Variants in CARF observed in about 807,000 individuals in gnomAD.
CARF encodes calcium responsive transcription factor, also known as calcium-responsive transcription factor.
In CARF, 57 loss-of-function variants were observed where a neutral mutation model predicts 82.0. The observed-to-expected ratio is 0.70, with a 90% CI of 0.56 to 0.87. CARF has a LOEUF of 0.87. CARF is among the 40% of genes least tolerant of loss of function. The pLI is 0.00. For synonymous variants in CARF, 268 were observed against 290.1 expected (o/e 0.92, Z 0.77); for missense variants, 771 against 855.8 (o/e 0.90, Z 1.24).
chr2:202,925,343 A>C (rs1312888753), intron 3 of CARF: 1 of 317,458 alleles, frequency 3.2e-6, no homozygotes, highest in East Asian at 8.2e-5. Context: ...TGTGAGCTGT[A>C]GTCCCAGTTC....
intron 14 of CARF, 94 bp downstream of exon 14, chr2:202,977,426 A>G (rs1285667780): frequency 2.1e-6 from 2 of 931,140 alleles, no homozygotes; most frequent in South Asian, 1.5e-5. Flanking sequence ...AATTTTATAG[A>G]TAAGGAAACC....
chr2:202,945,388 A>G (rs551595096), intron 5 of CARF, among the ~76,000 whole-genome samples: 1 of 152,198 alleles, frequency 6.6e-6, no homozygotes, highest in Non-Finnish European at 1.5e-5. Context: ...GTACACTCAG[A>G]TTGTACAAGT....
chr2:202,952,719 A>T, intron 6 of CARF, 40 bp downstream of exon 6: 1 of 1,568,838 alleles, frequency 6.4e-7, no homozygotes, highest in Non-Finnish European at 8.7e-7. Flanking sequence ...AGAGTGTTTT[A>T]AAAACATAAA....
intron 12 of CARF, among the ~76,000 whole-genome samples, chr2:202,972,320 T>C (rs2059821090): frequency 6.6e-6 from 1 of 152,006 alleles, no homozygotes; most frequent in African/African-American, 2.4e-5. Context: ...ATTAAGTTGG[T>C]ATATTTATCC....
At chr2:202,921,954 A>G (rs1690890186) in intron 2 of CARF, among the ~76,000 whole-genome samples, 1 of 150,938 alleles carries the variant, frequency 6.6e-6, no homozygotes, top group Non-Finnish European at 1.5e-5. Flanking sequence ...GCTTCCCAAG[A>G]AGCTATGGGG....
In CARF at chr2:202,951,004, A is replaced by AT. The variant is rs560719202; in HGVS notation, c.307-1549dup. 2.1e-3 allele frequency among the ~76,000 whole-genome samples: 326 copies of AT among 152,198 alleles called. 2 individuals are homozygous for AT. The highest frequency in any genetic ancestry group is 7.3e-3 in the African/African-American group (305 of 41,538). ...GTTGAAGTTTTTCCCCTAACATTAAATTTTTTAAAAAATTTTTTTCAAATT... is the reference window on the plus strand; with the variant it reads ...GTTGAAGTTTTTCCCCTAACATTAAATTTTTTTAAAAAATTTTTTTCAAATT... On this transcript the variant is annotated intron_variant, in intron 5 of 16. Coordinates refer to ENST00000438828, the MANE Select transcript of CARF (RefSeq NM_024744.17).
chr2:202,982,080 G>A lies in CARF; in HGVS notation c.1698G>A (p.Gln566=). The A allele has an allele frequency of 6.2e-7, 1 of 1,613,022 alleles. No individual in the cohort carries two copies. The highest frequency in any genetic ancestry group is 1.1e-5 in the South Asian group (1 of 90,720). The change falls in exon 16 of 17, where the codon CAG becomes CAA. Residue 566 remains glutamine, a synonymous_variant. Coordinates refer to ENST00000438828, the MANE Select transcript of CARF (RefSeq NM_024744.17). The stretch of plus-strand genomic sequence containing the variant: ...TCTTTTTGGTTTAAAAGGGTTTGCA[G>A]TTACAACCAAGGTACACCTCTCCTG... ...PKIFTQLQGL[Q]LQPRYTSPDE...
chr2:202,951,425 G>T (rs2058748853), intron 5 of CARF, among the ~76,000 whole-genome samples: 1 of 152,064 alleles, frequency 6.6e-6, no homozygotes, highest in South Asian at 2.1e-4. Flanking sequence ...CTGGGAACGT[G>T]GGTTGGAATG....
At chr2:202,981,204 G>A (rs1484100209) in intron 14 of CARF, among the ~76,000 whole-genome samples, 1 of 152,176 alleles carries the variant, frequency 6.6e-6, no homozygotes, top group Non-Finnish European at 1.5e-5. Flanking sequence ...GGATTAAACT[G>A]TTCCACCTCA....
chr2:202,980,616 GTATATATATA>G (rs34656288), intron 14 of CARF, among the ~76,000 whole-genome samples: 508 of 42,614 alleles, frequency 0.012, 15 homozygotes, highest in African/African-American at 0.017. Context: ...CGTCTTTCAA[GTATATATATA>G]TATATATATA....
intron 3 of CARF, chr2:202,925,786 G>T: frequency 5.5e-6 from 1 of 180,182 alleles, no homozygotes; most frequent in Non-Finnish European, 1.2e-5. Context: ...ATGTTAAACT[G>T]GCCATGGACA....
rs1864464 is a variant in CARF, at chr2:202,987,864, A to C, written c.*4240A>C. On this transcript the variant is annotated 3_prime_UTR_variant, in exon 17 of 17. Coordinates refer to ENST00000438828, the MANE Select transcript of CARF (RefSeq NM_024744.17). ...ACTGTACATATTTAAAGTACCCAAT[A>C]TGATAAGTTTTGTCATATGCATACA... Among the ~76,000 whole-genome samples, 136,395 of 152,150 alleles carry C rather than the reference A, an allele frequency of 0.9. 61,713 individuals are homozygous for C. Among genetic ancestry groups the C allele is most frequent in the South Asian group, 0.96 (4,632 of 4,822 alleles).
chr2:202,954,188 T>C, intron 7 of CARF, 54 bp downstream of exon 7: 3 of 1,571,216 alleles, frequency 1.9e-6, no homozygotes, highest in Non-Finnish European at 2.6e-6. Context: ...GGAAATCTTT[T>C]TACAAATTAC....
intron 3 of CARF, among the ~76,000 whole-genome samples, chr2:202,938,643 T>TG (rs1351167374): frequency 3.1e-4 from 31 of 98,496 alleles, no homozygotes; most frequent in Admixed American, 1.1e-3. Context: ...GGGGGTTTTG[T>TG]GGGGGGGTTT....
chr2:202,980,763 T>G (rs1160608831), intron 14 of CARF, among the ~76,000 whole-genome samples: 1 of 150,638 alleles, frequency 6.6e-6, no homozygotes, highest in Admixed American at 6.6e-5. Context: ...GTACATATTT[T>G]TTCCCTATTA....
intron 8 of CARF, among the ~76,000 whole-genome samples, chr2:202,960,601 T>C (rs763060611): frequency 2.6e-5 from 4 of 152,230 alleles, no homozygotes; most frequent in Non-Finnish European, 5.9e-5. Context: ...CAAATTTTTC[T>C]ACAGCCTTTT....
At chr2:202,924,787 G>T (rs748639933) in intron 3 of CARF, 2 of 180,582 alleles carry the variant, frequency 1.1e-5, no homozygotes, top group Non-Finnish European at 1.1e-5. Context: ...ACTGGCATGG[G>T]TCTGGAGGGA....
intron 2 of CARF, among the ~76,000 whole-genome samples, chr2:202,923,225 G>A (rs1559186558): frequency 6.6e-6 from 1 of 152,168 alleles, no homozygotes; most frequent in African/African-American, 2.4e-5. Context: ...CTGGGCAAAA[G>A]AGTGAAACTC....
At chr2:202,957,968 T>C (rs937639501) in intron 8 of CARF, among the ~76,000 whole-genome samples, 1 of 151,892 alleles carries the variant, frequency 6.6e-6, no homozygotes, top group Admixed American at 6.6e-5. Flanking sequence ...AAAAATAAAA[T>C]TATTTACTAG....
Sources: allele counts gnomAD v4.1 joint callset (sites outside exome capture counted in the v4.1 genomes callset), GRCh38; gene constraint gnomAD v4.1.1; transcripts MANE v1.5; gene names NCBI Gene and HGNC (gene_info 2026-07-23, HGNC 2026-07-21).